TUBB8: variants seen among roughly 807,000 people sequenced by gnomAD.
The protein encoded by TUBB8 is tubulin beta-8 chain.
TUBB8 carries 25 observed loss-of-function variants against 33.7 expected under a neutral mutation model. That is an observed-to-expected ratio of 0.74 (90% confidence interval 0.54 to 1.04). TUBB8 has a LOEUF of 1.04. Among genes scored for constraint, TUBB8 ranks in the 50% least tolerant of loss-of-function variants. TUBB8 has a pLI of 0.00. For missense variants in TUBB8, 279 were observed against 608.0 expected, an observed-to-expected ratio of 0.46 and a Z score of 5.69; for synonymous variants, 245 against 240.1, an observed-to-expected ratio of 1.02 and a Z score of -0.19.
intron 1 of TUBB8, among the ~76,000 whole-genome samples, chr10:62,884 T>C (rs1834621404): frequency 6.6e-6 from 1 of 152,346 alleles, no homozygotes; most frequent in South Asian, 2.1e-4. Context: ...CTGAATGTTA[T>C]TTGTGTCTCT....
chr10:60,953 A>G (rs1345447650), intron 1 of TUBB8, among the ~76,000 whole-genome samples: 4 of 151,934 alleles, frequency 2.6e-5, no homozygotes, highest in Non-Finnish European at 4.4e-5. Context: ...GGAAATCATC[A>G]TTCTCAGTAA....
intron 1 of TUBB8, 109 bp from the exon 2 acceptor site, chr10:49,021 C>T (rs1834422148): frequency 8.5e-6 from 10 of 1,182,182 alleles, no homozygotes; most frequent in Admixed American, 2.2e-5. Flanking sequence ...GCCGCCCTGT[C>T]CCTGGGGTCC....
At chr10:61,065 G>C (rs1834595903) in intron 1 of TUBB8, among the ~76,000 whole-genome samples, 1 of 136,686 alleles carries the variant, frequency 7.3e-6, no homozygotes, top group African/African-American at 2.7e-5. Flanking sequence ...TCACACTCTG[G>C]GGACTGTTGT....
At chr10:59,576 T>C (rs1439167432) in intron 1 of TUBB8, among the ~76,000 whole-genome samples, 1 of 152,254 alleles carries the variant, frequency 6.6e-6, no homozygotes, top group Non-Finnish European at 1.5e-5. Context: ...CCCTTGGTCA[T>C]TATGAATTAC....
In TUBB8 at chr10:47,348, G is replaced by A. The variant is rs782299458; in HGVS notation, c.1044C>T (p.Asn348=). The part of the protein sequence containing the change: ...SSYFADWLPN[N]VKTAVCDIPP... Reference sequence around the variant, plus strand: ...GGATGTCACAGACGGCTGTTTTTACGTTGTTGGGGAGCCAGTCAGCAAAGT... The same window carrying A: ...GGATGTCACAGACGGCTGTTTTTACATTGTTGGGGAGCCAGTCAGCAAAGT... Residue 348 remains asparagine, a synonymous_variant, in exon 4 of 4, where the codon AAC becomes AAT. Coordinates refer to ENST00000568584, the MANE Select transcript of TUBB8 (RefSeq NM_177987.3). 1.3e-5 allele frequency: 21 copies of A among 1,613,096 alleles called. No individual in the cohort carries two copies. The highest frequency in any genetic ancestry group is 3.3e-5 in the Admixed American group (2 of 60,000).
intron 1 of TUBB8, among the ~76,000 whole-genome samples, chr10:73,368 A>G (rs1220823723): frequency 3.3e-5 from 5 of 152,198 alleles, no homozygotes; most frequent in African/African-American, 9.6e-5. Context: ...TGACCAGGCC[A>G]GGTGGCTCAC....
upstream of TUBB8, among the ~76,000 whole-genome samples, chr10:74,640 A>AG (rs1224750406): frequency 3.6e-4 from 54 of 148,182 alleles, 1 homozygote; most frequent in East Asian, 2.0e-4. Flanking sequence ...AAAAAAAAAA[A>AG]AAAGAAAGAA....
intron 1 of TUBB8, among the ~76,000 whole-genome samples, chr10:68,594 G>A (rs1834700672): frequency 6.6e-6 from 1 of 152,132 alleles, no homozygotes. Flanking sequence ...TACTGTGGTT[G>A]TTTTCAATTT....
chr10:76,194 G>A (rs868951751), upstream of TUBB8, among the ~76,000 whole-genome samples: 1 of 148,852 alleles, frequency 6.7e-6, no homozygotes, highest in African/African-American at 2.5e-5. Flanking sequence ...CTGTTTCCTC[G>A]GCCTCAGGCT....
At chr10:65,595 G>A (rs1166272870) in intron 1 of TUBB8, among the ~76,000 whole-genome samples, 3 of 152,152 alleles carry the variant, frequency 2.0e-5, no homozygotes, top group Non-Finnish European at 4.4e-5. Context: ...CGTGGTGGCG[G>A]GAGCCTGTAA....
At chr10:60,764 G>A (rs1347327604) in intron 1 of TUBB8, among the ~76,000 whole-genome samples, 1 of 152,164 alleles carries the variant, frequency 6.6e-6, no homozygotes, top group Non-Finnish European at 1.5e-5. Context: ...CTGCTGTAAA[G>A]ACATATGCAC....
chr10:57,001 AAT>A (rs1834539705), intron 1 of TUBB8, among the ~76,000 whole-genome samples: 1 of 152,192 alleles, frequency 6.6e-6, no homozygotes, highest in Non-Finnish European at 1.5e-5. Flanking sequence ...GCATTGGGTA[AAT>A]ATTCCTATTC....
rs140274064 is a variant in TUBB8 at position 48,101 on chromosome 10, G to A, written c.291C>T (p.Ala97=). ...PDNFIFGQCG[A]GNNWAKGHYT... is the part of the protein sequence containing the mutation. ...AGTGTCCCTTGGCCCAGTTGTTTCC[G>A]GCCCCACACTGACCTGTAAGACAGC... The change falls in exon 4 of 4, where the codon GCC becomes GCT. Residue 97 remains alanine, a synonymous_variant. Coordinates refer to ENST00000568584, the MANE Select transcript of TUBB8 (RefSeq NM_177987.3). 64 of 1,613,088 alleles carry A rather than the reference G, an allele frequency of 4.0e-5. No individual in the cohort carries two copies. The highest frequency in any genetic ancestry group is 1.3e-4 in the East Asian group (6 of 44,878).
exon 1 of TUBB8, chr10:74,111 C>G (rs1206336088): frequency 2.7e-5 from 4 of 150,486 alleles, no homozygotes; most frequent in Non-Finnish European, 5.9e-5. Context: ...CCCGTCCTCA[C>G]AGTGGACCCC....
upstream of TUBB8, among the ~76,000 whole-genome samples, chr10:52,826 T>G (rs1168404140): frequency 1.3e-5 from 2 of 152,252 alleles, no homozygotes; most frequent in East Asian, 3.8e-4. Context: ...TGTGAGTACC[T>G]AGCTACTCAT....
chr10:48,641 A>G lies in TUBB8; in HGVS notation c.251T>C (p.Val84Ala). 2 of 1,612,216 alleles carry G rather than the reference A, an allele frequency of 1.2e-6. No homozygotes were observed. The highest frequency in any genetic ancestry group is 1.7e-6 in the Non-Finnish European group (2 of 1,179,824). Residue 84 changes from valine (V) to alanine (A), a missense_variant, in exon 3 of 4, where the codon GTC becomes GCC. This residue lies in a region of TUBB8 where 96 missense variants were observed against 233.7 expected (regional missense o/e 0.41). Transcript: ENST00000568584. ...GAAGATGAAGTTGTCTGGCCTGAAG[A>G]CCTGCCCGAAGGGCCCCGAGCGCAC... ...DSVRSGPFGQ[V>A]FRPDNFIFGQ...
Position 49,281 on chromosome 10 carries a change from G to A in TUBB8, c.-43C>T, listed in dbSNP as rs782444001. On this transcript the variant is annotated 5_prime_UTR_variant, in exon 1 of 4. Transcript: ENST00000568584. Reference sequence around the variant, plus strand: ...GACGGCAGGAGAAACGTGAGAAGGAGGAGCAGACGCGCAGCGACCCAGCCC... The same window carrying A: ...GACGGCAGGAGAAACGTGAGAAGGAAGAGCAGACGCGCAGCGACCCAGCCC... 16 of 1,555,820 alleles carry A rather than the reference G, an allele frequency of 1.0e-5. No individual in the cohort carries two copies. In the East Asian group the frequency reaches 1.2e-4, roughly 12 times the overall value.
At chr10:73,351 G>T (rs1482186619) in intron 1 of TUBB8, among the ~76,000 whole-genome samples, 1 of 152,144 alleles carries the variant, frequency 6.6e-6, no homozygotes, top group Non-Finnish European at 1.5e-5. Flanking sequence ...CTGAAAACAC[G>T]GAGCACTGAC....
intron 1 of TUBB8, among the ~76,000 whole-genome samples, chr10:60,234 A>C (rs1262581325): frequency 6.6e-6 from 1 of 152,088 alleles, no homozygotes; most frequent in African/African-American, 2.4e-5. Flanking sequence ...TTATATAGGC[A>C]CTTACAGTTA....
Sources: allele counts gnomAD v4.1 joint callset (sites outside exome capture counted in the v4.1 genomes callset), GRCh38; gene constraint gnomAD v4.1.1; regional missense constraint gnomAD v4.1.1; transcripts MANE v1.5; gene names NCBI Gene and HGNC (gene_info 2026-07-23, HGNC 2026-07-21).